IPO11: variants seen among roughly 807,000 people sequenced by gnomAD.
IPO11 encodes importin 11.
A neutral mutation model predicts 143.2 loss-of-function variants in IPO11; 66 were observed. The observed-to-expected ratio is 0.46, with a 90% CI of 0.38 to 0.57. The LOEUF (loss-of-function observed/expected upper bound fraction) is 0.57, where lower values mean the gene tolerates loss of function less well. IPO11 is among the 20% of genes least tolerant of loss of function. The pLI, the probability that IPO11 is intolerant of heterozygous loss-of-function variation, is 0.00. For synonymous variants in IPO11, 385 were observed against 377.8 expected, an observed-to-expected ratio of 1.02 and a Z score of -0.22; for missense variants, 1,026 against 1,141.0, an observed-to-expected ratio of 0.90 and a Z score of 1.45.
chr5:62,535,635 TA>T (rs1454901761), intron 22 of IPO11, among the ~76,000 whole-genome samples: 1 of 152,150 alleles, frequency 6.6e-6, no homozygotes, highest in Non-Finnish European at 1.5e-5. Context: ...TGTCAAATCC[TA>T]AAGTTTAGGA....
chr5:62,605,456 T>C (rs1468751908), intron 29 of IPO11, among the ~76,000 whole-genome samples: 1 of 152,170 alleles, frequency 6.6e-6, no homozygotes, highest in Non-Finnish European at 1.5e-5. Context: ...TTCATTTCGG[T>C]GAAATAATAC....
At chr5:62,491,817 C>T (rs1410838222) in intron 15 of IPO11, among the ~76,000 whole-genome samples, 1 of 151,942 alleles carries the variant, frequency 6.6e-6, no homozygotes, top group African/African-American at 2.4e-5. Flanking sequence ...AGGTGCCCGC[C>T]ACCATGCCCG....
chr5:62,504,345 G>A (rs931377785), intron 16 of IPO11, among the ~76,000 whole-genome samples: 2 of 152,024 alleles, frequency 1.3e-5, no homozygotes, highest in African/African-American at 4.8e-5. Context: ...CTGGTTTCCT[G>A]CTTCCTTCTT....
At chr5:62,509,156 C>T (rs1228047723) in intron 19 of IPO11, among the ~76,000 whole-genome samples, 2 of 152,076 alleles carry the variant, frequency 1.3e-5, no homozygotes, top group African/African-American at 2.4e-5. Flanking sequence ...GTGCAGAGAT[C>T]TTATAAATAT....
intron 7 of IPO11, among the ~76,000 whole-genome samples, chr5:62,473,824 A>G (rs1175806176): frequency 1.3e-5 from 2 of 152,150 alleles, no homozygotes; most frequent in Non-Finnish European, 2.9e-5. Flanking sequence ...GTTTTCAAAA[A>G]AAGGGTCCAT....
At chr5:62,456,396 A>C (rs949686021) in intron 5 of IPO11, among the ~76,000 whole-genome samples, 1 of 152,166 alleles carries the variant, frequency 6.6e-6, no homozygotes, top group African/African-American at 2.4e-5. Context: ...AAAGTCACTA[A>C]AAATAAGGAA....
chr5:62,558,512 T>A (rs1174566672), intron 26 of IPO11, among the ~76,000 whole-genome samples: 1 of 152,192 alleles, frequency 6.6e-6, no homozygotes, highest in East Asian at 1.9e-4. Flanking sequence ...ATTATATCAT[T>A]AAGAATTGAA....
chr5:62,422,820 C>G (rs1466425117), intron 1 of IPO11, among the ~76,000 whole-genome samples: 2 of 152,100 alleles, frequency 1.3e-5, no homozygotes, highest in African/African-American at 2.4e-5. Context: ...ATTTGTTTCC[C>G]ATTTATTTGT....
Position 62,586,761 on chromosome 5 carries a change from AAAAAAAAATATATATATATAT to A in IPO11, c.2583-4814_2583-4794del, listed in dbSNP as rs1420089573. Among the ~76,000 whole-genome samples the A allele has an allele frequency of 1.8e-3, 181 of 98,916 alleles. 2 individuals carry two copies. The highest frequency in any genetic ancestry group is 3.0e-3 in the Non-Finnish European group (146 of 48,674). 64.9% of individuals were successfully genotyped at this position (98,916 alleles called of 152,430 possible). A position where few individuals can be genotyped will look rare whatever the true frequency, so the allele number is the denominator to read the frequency against. On this transcript the variant is annotated intron_variant, in intron 27 of 29. Transcript: ENST00000325324. ...AGCAAAACTCAGTCTCCAAAAAAAA[AAAAAAAAATATATATATATAT>A]ATATATATATATATATATATTCATG...
chr5:62,598,595 A>C (rs1745379390), intron 28 of IPO11, among the ~76,000 whole-genome samples: 1 of 137,302 alleles, frequency 7.3e-6, no homozygotes, highest in African/African-American at 2.7e-5. Context: ...CCCAGCCTGG[A>C]GTGCAGTGGT....
At chr5:62,419,334 T>A (rs201571704) in intron 1 of IPO11, among the ~76,000 whole-genome samples, 3 of 152,226 alleles carry the variant, frequency 2.0e-5, no homozygotes, top group East Asian at 3.8e-4. Context: ...AAAATAAATT[T>A]ATTAAGAAAT....
intron 7 of IPO11, among the ~76,000 whole-genome samples, chr5:62,471,400 A>G (rs1335789875): frequency 6.6e-6 from 1 of 152,180 alleles, no homozygotes; most frequent in Non-Finnish European, 1.5e-5. Context: ...TTTAAAACCC[A>G]TAATATACAT....
At position 62,561,079 on chromosome 5, in the gene IPO11, T is replaced by A. The variant is rs1743753097; in HGVS notation, c.2461-57T>A. ...TGAGGCTTTAGCCTTTAAAAGTATT[T>A]ACCCACAAGTAAAACATATTTTAGG... On this transcript the variant is annotated intron_variant, in intron 26 of 29. Transcript: ENST00000325324. 4.7e-6 allele frequency: 7 copies of A among 1,477,098 alleles called. No individual in the cohort carries two copies. The South Asian group carries it at 6.6e-5, about 14-fold the overall frequency. The allele number at this position is 1,477,098 out of a possible 1,614,324, so 91.5% of individuals were successfully genotyped here.
At chr5:62,601,739 C>CATGTTTTAAATAAAA in intron 28 of IPO11, 25 bp from the exon 29 acceptor site, 1 of 1,283,458 alleles carries the variant, frequency 7.8e-7, no homozygotes, top group Non-Finnish European at 1.1e-6. Context: ...TTATTTAAAA[C>CATGTTTTAAATAAAA]ATGTTTTTTA....
chr5:62,466,193 C>T (rs970952196), intron 5 of IPO11, among the ~76,000 whole-genome samples: 3 of 152,136 alleles, frequency 2.0e-5, no homozygotes, highest in African/African-American at 7.2e-5. Flanking sequence ...GAGGTTCAAG[C>T]CTTTGCTAAG....
chr5:62,590,774 A>T (rs1744981416), intron 27 of IPO11, among the ~76,000 whole-genome samples: 1 of 152,164 alleles, frequency 6.6e-6, no homozygotes, highest in Admixed American at 6.6e-5. Flanking sequence ...AAAAAACACT[A>T]AATTTTTTAA....
chr5:62,481,934 T>G (rs945457566), intron 9 of IPO11, among the ~76,000 whole-genome samples: 2 of 152,182 alleles, frequency 1.3e-5, no homozygotes, highest in Non-Finnish European at 2.9e-5. Context: ...TTTTTTTGAT[T>G]GGTAAGCTAT....
At chr5:62,572,997 C>A (rs576206463) in intron 27 of IPO11, among the ~76,000 whole-genome samples, 1 of 151,994 alleles carries the variant, frequency 6.6e-6, no homozygotes, top group Non-Finnish European at 1.5e-5. Context: ...AAATTATATA[C>A]GAACAAAATT....
chr5:62,487,965 TA>T, intron 13 of IPO11, 104 bp downstream of exon 13: 1 of 937,700 alleles, frequency 1.1e-6, no homozygotes, highest in South Asian at 2.0e-5. Context: ...CTGGGTCATA[TA>T]ATAAATATGA....
Sources: gnomAD v4.1 joint callset for allele counts (sites outside exome capture counted in the v4.1 genomes callset) on GRCh38, gnomAD v4.1.1 for gene constraint, MANE v1.5 for transcripts, NCBI Gene and HGNC (gene_info 2026-07-23, HGNC 2026-07-21) for gene names.